The following SLC22A3 variants were observed in gnomAD, a reference collection of about 807,000 sequenced individuals.
SLC22A3 encodes EMT organic cation transporter 3.
In SLC22A3, 51 loss-of-function variants were observed where a neutral mutation model predicts 59.1. The observed-to-expected ratio is 0.86, with a 90% CI of 0.69 to 1.09. The LOEUF (loss-of-function observed/expected upper bound fraction) is 1.09. Ranked by LOEUF, SLC22A3 falls within the 50% of genes least tolerant of loss-of-function variation. SLC22A3 has a pLI of 0.00. For missense variants in SLC22A3, 711 were observed against 726.3 expected (o/e 0.98, Z 0.24); for synonymous variants, 325 against 292.0 (o/e 1.11, Z -1.15).
intron 1 of SLC22A3, among the ~76,000 whole-genome samples, chr6:160,376,392 C>G (rs1235478454): frequency 6.6e-6 from 1 of 152,078 alleles, no homozygotes; most frequent in Non-Finnish European, 1.5e-5. Context: ...AGGGCGAACA[C>G]CAGGACAAAG....
chr6:160,414,793 T>C (rs1787402646), intron 5 of SLC22A3, among the ~76,000 whole-genome samples: 1 of 152,206 alleles, frequency 6.6e-6, no homozygotes, highest in Admixed American at 6.5e-5. Flanking sequence ...CTCACTGGGT[T>C]CCTCCTATGA....
Position 160,430,851 on chromosome 6 carries a change from C to T in SLC22A3, c.976-5929C>T, listed in dbSNP as rs377293755. Among the ~76,000 whole-genome samples the T allele has an allele frequency of 5.9e-5, 9 of 152,288 alleles. 1 individual carries two copies. The South Asian group carries it at 1.9e-3, about 32-fold the overall frequency. On this transcript the variant is annotated intron_variant, in intron 5 of 10. Transcript: ENST00000275300. ...ACAAAACGGGACGCCAAGTGAGACA[C>T]TGTTGATTCTGTTTCTATGAAATTC...
intron 1 of SLC22A3, among the ~76,000 whole-genome samples, chr6:160,392,171 T>C (rs1488093305): frequency 6.6e-6 from 1 of 152,148 alleles, no homozygotes; most frequent in Non-Finnish European, 1.5e-5. Context: ...TAAAACAGTG[T>C]ACTTCCCAGT....
At chr6:160,391,756 A>G (rs1786268418) in intron 1 of SLC22A3, among the ~76,000 whole-genome samples, 1 of 152,232 alleles carries the variant, frequency 6.6e-6, no homozygotes, top group African/African-American at 2.4e-5. Flanking sequence ...CTGGAGAGAG[A>G]GGGGCTGACG....
intron 1 of SLC22A3, among the ~76,000 whole-genome samples, chr6:160,395,191 C>T (rs1786421179): frequency 6.6e-6 from 1 of 152,114 alleles, no homozygotes; most frequent in African/African-American, 2.4e-5. Context: ...TCCTATTTGA[C>T]TATGCCTTTT....
chr6:160,348,555 C>G lies in SLC22A3; in HGVS notation c.136C>G (p.Pro46Ala). 1 of 1,551,942 alleles carries G rather than the reference C, an allele frequency of 6.4e-7. No individual in the cohort carries two copies. Residue 46 changes from proline (P) to alanine (A), a missense_variant, in exon 1 of 11, where the codon CCC becomes GCC. Pro to Ala is a conservative substitution (Grantham distance 27, BLOSUM62 -1). Coordinates refer to ENST00000275300, the MANE Select transcript of SLC22A3 (RefSeq NM_021977.4). ...FVGVVFLGTQ[P>A]DHYWCRGPSA... ...CGGCGTGGTCTTCCTGGGCACGCAG[C>G]CCGACCACTACTGGTGCCGCGGGCC...
intron 1 of SLC22A3, among the ~76,000 whole-genome samples, chr6:160,388,231 C>A (rs1583467266): frequency 6.6e-6 from 1 of 152,154 alleles, no homozygotes. Context: ...CTACAATGCC[C>A]ATGCCTGCAG....
chr6:160,439,031 G>A (rs1392373245), intron 7 of SLC22A3, among the ~76,000 whole-genome samples: 1 of 152,004 alleles, frequency 6.6e-6, no homozygotes, highest in Non-Finnish European at 1.5e-5. Context: ...CATGAATTTT[G>A]GGAGACACTG....
rs546326539 is a variant in SLC22A3, at chr6:160,368,928, A to G, written c.429+20080A>G. Among the ~76,000 whole-genome samples the G allele has an allele frequency of 4.6e-3, 708 of 152,260 alleles. 3 individuals are homozygous for G. Among genetic ancestry groups the G allele is most frequent in the African/African-American group, 0.016 (683 of 41,554 alleles). ...GCTCTGATAAAGCCAAACACATTTA[A>G]CAGATGGACACAACTGGCCATGCTT... On this transcript the variant is annotated intron_variant, in intron 1 of 10. Transcript: ENST00000275300.
chr6:160,412,632 C>T (rs9364554), intron 5 of SLC22A3, among the ~76,000 whole-genome samples: 31,822 of 152,132 alleles, frequency 0.21, 4,172 homozygotes, highest in East Asian at 0.33. Flanking sequence ...CCTTGTCACT[C>T]TTTGAGTGAA....
At chr6:160,429,125 G>C (rs1369635048) in intron 5 of SLC22A3, among the ~76,000 whole-genome samples, 1 of 152,154 alleles carries the variant, frequency 6.6e-6, no homozygotes, top group Non-Finnish European at 1.5e-5. Context: ...AGACCAATGG[G>C]TACTTTAACT....
intron 1 of SLC22A3, among the ~76,000 whole-genome samples, chr6:160,387,005 G>T (rs1281321841): frequency 6.6e-6 from 1 of 152,164 alleles, no homozygotes; most frequent in African/African-American, 2.4e-5. Flanking sequence ...CCTCCAGCAG[G>T]GTACAACCTG....
rs1173479707 is a variant in SLC22A3, at chr6:160,415,269, C to T, written c.975+4423C>T. On this transcript the variant is annotated intron_variant, in intron 5 of 10. Transcript: ENST00000275300. This position sits in a 1 kb window ranked among gnomAD's most constrained non-coding sequence, Gnocchi z 4.1. Reference sequence around the variant, plus strand: ...AAAGGTCCTTATGTCCCCACAAGCACCATCCTGAGCAGAAAACCTCTTCGT... The same window carrying T: ...AAAGGTCCTTATGTCCCCACAAGCATCATCCTGAGCAGAAAACCTCTTCGT... 6.6e-6 allele frequency among the ~76,000 whole-genome samples: 1 copy of T among 152,278 alleles called. No individual in the cohort carries two copies. The highest frequency in any genetic ancestry group is 1.9e-4 in the East Asian group (1 of 5,184).
intron 1 of SLC22A3, among the ~76,000 whole-genome samples, chr6:160,370,139 C>T (rs955716808): frequency 6.6e-6 from 1 of 152,240 alleles, no homozygotes; most frequent in Non-Finnish European, 1.5e-5. Flanking sequence ...GCAGAAGCTG[C>T]ATTGCCTTTC....
At chr6:160,424,189 A>G (rs1017270487) in intron 5 of SLC22A3, among the ~76,000 whole-genome samples, 5 of 152,306 alleles carry the variant, frequency 3.3e-5, no homozygotes, top group Admixed American at 2.6e-4. Context: ...CCTAGGGATT[A>G]TGGAGTTATT....
rs1583526664 is a variant in SLC22A3 at position 160,451,145 on chromosome 6, C to T, written c.*89C>T. On this transcript the variant is annotated 3_prime_UTR_variant, in exon 11 of 11. Transcript: ENST00000275300. ...CTTGCAGAGATGCACGTGTGCATTT[C>T]AGCTACATCATGCCGCGCTGTTGTA... The T allele has an allele frequency of 1.7e-6, 2 of 1,183,964 alleles. No individual in the cohort carries two copies. 73.3% of individuals were successfully genotyped at this position (1,183,964 alleles called of 1,614,324 possible). A position where few individuals can be genotyped will look rare whatever the true frequency, so the allele number is the denominator to read the frequency against.
intron 1 of SLC22A3, among the ~76,000 whole-genome samples, chr6:160,356,508 A>G (rs1454041758): frequency 2.0e-5 from 3 of 152,228 alleles, no homozygotes; most frequent in East Asian, 3.9e-4. Context: ...TGTGTCATCA[A>G]TCGAGCCTGC....
intron 2 of SLC22A3, among the ~76,000 whole-genome samples, chr6:160,402,538 T>C (rs1016630185): frequency 6.6e-6 from 1 of 151,912 alleles, no homozygotes; most frequent in Non-Finnish European, 1.5e-5. Flanking sequence ...ATCAACTGTA[T>C]CTAATTTTCC....
At chr6:160,412,083 T>A (rs576371724) in intron 5 of SLC22A3, among the ~76,000 whole-genome samples, 237 of 152,216 alleles carry the variant, frequency 1.6e-3, no homozygotes, top group Non-Finnish European at 3.0e-3. Flanking sequence ...GTTTTGGGGC[T>A]GGGTGCGGTG....
Sources: gnomAD v4.1 joint callset for allele counts (sites outside exome capture counted in the v4.1 genomes callset) on GRCh38, gnomAD v4.1.1 for gene constraint, Gnocchi (gnomAD v3.1) non-coding constraint, MANE v1.5 for transcripts, NCBI Gene and HGNC (gene_info 2026-07-23, HGNC 2026-07-21) for gene names.